PKD1: variants seen among roughly 807,000 people sequenced by gnomAD.
PKD1 encodes polycystin 1, transient receptor potential channel interacting, also known as polycystin-1.
PKD1 carries 81 observed loss-of-function variants against 361.7 expected under a neutral mutation model. The observed-to-expected ratio is 0.22, with a 90% CI of 0.19 to 0.27. The LOEUF is 0.27. Among genes scored for constraint, PKD1 ranks in the 10% least tolerant of loss-of-function variants. PKD1 has a pLI of 1.00. For synonymous variants in PKD1, 3,615 were observed against 2,818.3 expected (o/e 1.28, Z -8.95); for missense variants, 6,399 against 6,118.3 (o/e 1.05, Z -1.53).
intron 1 of PKD1, chr16:2,133,169 T>C (rs1363049219): frequency 2.4e-5 from 3 of 125,786 alleles, no homozygotes. Context: ...GGGTGGGGGG[T>C]CTGTGAGTCA....
At position 2,089,645 on chromosome 16, in the gene PKD1, C is replaced by T. The variant is rs1229253042; in HGVS notation, c.*82G>A. The T allele has an allele frequency of 1.3e-6, 2 of 1,498,870 alleles. No homozygotes were observed. The highest frequency in any genetic ancestry group is 2.0e-5 in the Admixed American group (1 of 50,708). 92.8% of individuals were successfully genotyped at this position (1,498,870 alleles called of 1,614,324 possible). A position where few individuals can be genotyped will look rare whatever the true frequency, so the allele number is the denominator to read the frequency against. ...ACCTACGTGCAGCCATTCTGCCTGG[C>T]CCTCGGCCTTGACAGCGGCAGAAAG... On this transcript the variant is annotated 3_prime_UTR_variant, in exon 46 of 46. Transcript: ENST00000262304.
At chr16:2,095,061 G>C (rs2091787077) in intron 34 of PKD1, 1 of 152,240 alleles carries the variant, frequency 6.6e-6, no homozygotes, top group Admixed American at 6.5e-5. Context: ...GATCACTTGA[G>C]CTCAGGAGTT....
In PKD1 at chr16:2,090,963, G is replaced by C; in HGVS notation, c.11924C>G (p.Thr3975Ser). Residue 3975 changes from threonine to serine, a missense_variant, in exon 43 of 46, where the codon ACT (threonine) becomes AGT (serine). Transcript: ENST00000262304. ...RFVRGRPRRF[T>S]SFDQVAQLSS... ...CAGCTGCGCCACCTGGTCGAAGCTA[G>C]TGAAGCGGCGCGGGCGGCCGCGCAC... The C allele has an allele frequency of 6.5e-7, 1 of 1,549,696 alleles. No homozygotes were observed. The highest frequency in any genetic ancestry group is 8.7e-7 in the Non-Finnish European group (1 of 1,154,006).
chr16:2,105,728 G>A lies in PKD1; in HGVS notation c.7863+137C>T, dbSNP rs1028979661. The A allele has an allele frequency of 2.9e-5, 37 of 1,288,746 alleles. No homozygotes were observed. The African/African-American group carries it at 4.3e-4, about 15-fold the overall frequency. 79.8% of individuals were successfully genotyped at this position (1,288,746 alleles called of 1,614,324 possible). A position where few individuals can be genotyped will look rare whatever the true frequency, so the allele number is the denominator to read the frequency against. On this transcript the variant is annotated intron_variant, in intron 20 of 45. Transcript: ENST00000262304. ...TGTGGCTGCTGGGAGCGGAAGGTCG[G>A]GGTGCTGCTTCAGGGTCACTGGGAT...
rs780044416 is a variant in PKD1 at position 2,116,672 on chromosome 16, C to A, written c.1607-28G>T. The stretch of plus-strand genomic sequence containing the variant: ...GGGGTGGCGAGTGCACAGTGAGGCG[C>A]CGGGCCAGGGCCCAGGACACCAGGA... On this transcript the variant is annotated intron_variant, in intron 7 of 45. Transcript: ENST00000262304. The A allele has an allele frequency of 8.4e-5, 113 of 1,349,942 alleles. 2 individuals are homozygous for A. In the South Asian group the frequency reaches 1.4e-3, roughly 16 times the overall value. 83.6% of individuals were successfully genotyped at this position (1,349,942 alleles called of 1,614,324 possible).
chr16:2,110,014 A>G lies in PKD1; in HGVS notation c.5153T>C (p.Val1718Ala). The G allele has an allele frequency of 6.2e-7, 1 of 1,610,424 alleles. No homozygotes were observed. Residue 1718 changes from valine (V) to alanine (A), a missense_variant, in exon 15 of 46, where the codon GTG (valine) becomes GCG (alanine). Coordinates refer to ENST00000262304, the MANE Select transcript of PKD1 (RefSeq NM_001009944.3). ...ADCTMDFVEP[V>A]GWLMVAASPN... Reference sequence around the variant, plus strand: ...GGAGGCGGCCACCATCAGCCACCCCACAGGCTCCACGAAGTCCATGGTGCA... The same window carrying G: ...GGAGGCGGCCACCATCAGCCACCCCGCAGGCTCCACGAAGTCCATGGTGCA...
At chr16:2,129,356 C>CA (rs2151847063) in intron 1 of PKD1, among the ~76,000 whole-genome samples, 1 of 151,288 alleles carries the variant, frequency 6.6e-6, no homozygotes, top group East Asian at 2.0e-4. Flanking sequence ...AGGCTGGCCT[C>CA]AAACTCCTGG....
Position 2,089,694 on chromosome 16 carries a change from G to A in PKD1, c.*33C>T, listed in dbSNP as rs112780826. 351 of 1,554,664 alleles carry A rather than the reference G, an allele frequency of 2.3e-4. No individual in the cohort carries two copies. The highest frequency in any genetic ancestry group is 2.8e-4 in the Non-Finnish European group (321 of 1,150,228). On this transcript the variant is annotated 3_prime_UTR_variant, in exon 46 of 46. Transcript: ENST00000262304. ...AGTAATACTGAGCGGTGTCCACTCCGACTCCACGGCCCACCCCCGCCAGGA... is the reference window on the plus strand; with the variant it reads ...AGTAATACTGAGCGGTGTCCACTCCAACTCCACGGCCCACCCCCGCCAGGA...
chr16:2,119,075 G>A (rs763938112), intron 3 of PKD1, 39 bp downstream of exon 3: 9 of 1,076,628 alleles, frequency 8.4e-6, no homozygotes, highest in Non-Finnish European at 9.7e-6. Context: ...TGGGGGCCTG[G>A]GGTCCAGCCA....
intron 13 of PKD1, 150 bp from the exon 14 acceptor site, chr16:2,112,623 C>G (rs111910022): frequency 9.9e-7 from 1 of 1,009,202 alleles, no homozygotes; most frequent in East Asian, 2.6e-5. Flanking sequence ...AGGCCTCTCC[C>G]GGCTCCCGTG....
rs377692278 is a variant in PKD1 at position 2,091,608 on chromosome 16, G to A, written c.11538-11C>T. 2,823 of 1,560,680 alleles carry A rather than the reference G, an allele frequency of 1.8e-3. 4 individuals are homozygous for A. The highest frequency in any genetic ancestry group is 2.2e-3 in the Non-Finnish European group (2,527 of 1,161,410). On this transcript the variant is annotated splice_polypyrimidine_tract_variant and intron_variant, in intron 41 of 45. Transcript: ENST00000262304. Reference sequence around the variant, plus strand: ...AACACAGCGCGGCTCCTGCGCAGAGGGTGCGGGTCAGTAGGAGCGGGTGGC... The same window carrying A: ...AACACAGCGCGGCTCCTGCGCAGAGAGTGCGGGTCAGTAGGAGCGGGTGGC...
At chr16:2,121,679 G>A (rs1213769725) in intron 1 of PKD1, among the ~76,000 whole-genome samples, 3 of 152,032 alleles carry the variant, frequency 2.0e-5, no homozygotes, top group Admixed American at 2.0e-4. Flanking sequence ...AAGCACCTCG[G>A]GGGTCACTCT....
In PKD1 at chr16:2,108,521, G is replaced by A. The variant is rs754285509; in HGVS notation, c.6646C>T (p.Leu2216=). The change falls in exon 15 of 46, where the codon CTG becomes TTG. Residue 2216 remains leucine (L), a synonymous_variant. Coordinates refer to ENST00000262304, the MANE Select transcript of PKD1 (RefSeq NM_001009944.3). ...GGCAGCGCCAGCCGCGGCAGCACCAGCCGAGGCCGGCTCACGTCCACGCCG... is the reference window on the plus strand; with the variant it reads ...GGCAGCGCCAGCCGCGGCAGCACCAACCGAGGCCGGCTCACGTCCACGCCG... The part of the protein sequence containing the change: ...LPGVDVSRPR[L]VLPRLALPVG... 1.7e-5 allele frequency: 28 copies of A among 1,609,138 alleles called. No individual in the cohort carries two copies. The South Asian group carries it at 2.9e-4, about 16-fold the overall frequency.
In PKD1 at chr16:2,108,300, G is replaced by A. The variant is rs748648523; in HGVS notation, c.6867C>T (p.Gly2289=). Residue 2289 remains glycine, a synonymous_variant, in exon 15 of 46, where the codon GGC becomes GGT. Transcript: ENST00000262304. ...SESYDPNLED[G]DQTPLSFHWA... is the part of the protein sequence containing the mutation. ...AGTGGAAACTGAGCGGCGTCTGGTC[G>A]CCGTCCTCCAGGTTGGGGTCGTAGG... 1.6e-5 allele frequency: 26 copies of A among 1,601,528 alleles called. No individual in the cohort carries two copies. Among genetic ancestry groups the A allele is most frequent in the African/African-American group, 5.4e-5 (4 of 74,714 alleles).
intron 30 of PKD1, 112 bp from the exon 31 acceptor site, chr16:2,098,096 G>A (rs2091921545): frequency 1.5e-6 from 1 of 674,926 alleles, no homozygotes; most frequent in Non-Finnish European, 2.7e-6. Context: ...CTGACAGAAT[G>A]TCCTAGAATG....
rs532455378 is a variant in PKD1 at position 2,112,842 on chromosome 16, G to A, written c.3107C>T (p.Thr1036Met). ...TVPAVLSPNA[T>M]LALTAGVLVD... ...CAGCACGCCCGCCGTCAGTGCTAGC[G>A]TGGCATTGGGGGACAGCACGGCCGG... The change falls in exon 13 of 46, where the codon ACG becomes ATG. Residue 1036 changes from threonine to methionine, a missense_variant. By Grantham distance (81) the Thr-to-Met change is moderately conservative (BLOSUM62 -1). Transcript: ENST00000262304. 19 of 1,604,434 alleles carry A rather than the reference G, an allele frequency of 1.2e-5. No individual in the cohort carries two copies. The highest frequency in any genetic ancestry group is 8.3e-5 in the Admixed American group (5 of 60,014).
rs1402003156 is a variant in PKD1 at position 2,117,795 on chromosome 16, G to C, written c.1197C>G (p.Ala399=). The change falls in exon 5 of 46, where the codon GCC becomes GCG. Residue 399 remains alanine, a synonymous_variant. Transcript: ENST00000262304. ...GAGTGGGCAGCAGACACTCACCTCG[G>C]GCCGGCTCCTCGCCCAGGGCCACGA... is the stretch of plus-strand genomic sequence containing the variant. ...YSIVALGEEP[A]RAVHPLCPSD... The C allele has an allele frequency of 5.3e-6, 6 of 1,137,420 alleles. No individual in the cohort carries two copies. The African/African-American group carries it at 6.2e-5, about 12-fold the overall frequency. The allele number at this position is 1,137,420 out of a possible 1,614,324, so 70.5% of individuals were successfully genotyped here. A position where few individuals can be genotyped will look rare whatever the true frequency, so the allele number is the denominator to read the frequency against.
chr16:2,112,092 C>T (rs1369472262), intron 14 of PKD1, among the ~76,000 whole-genome samples: 2 of 152,330 alleles, frequency 1.3e-5, no homozygotes, highest in East Asian at 3.9e-4. Context: ...CAGCTGCACT[C>T]GGGGCAGCAG....
At position 2,106,705 on chromosome 16, in the gene PKD1, C is replaced by T. The variant is rs748713546; in HGVS notation, c.7210-28G>A. 28 of 1,574,724 alleles carry T rather than the reference C, an allele frequency of 1.8e-5. No individual in the cohort carries two copies. Among genetic ancestry groups the T allele is most frequent in the South Asian group, 1.3e-4 (12 of 89,676 alleles). Reference sequence around the variant, plus strand: ...GCAGGCAGAAGGGGTGGTGAGGGGGCGCAACCCTCTGCCCTGTCAGCCCCA... The same window carrying T: ...GCAGGCAGAAGGGGTGGTGAGGGGGTGCAACCCTCTGCCCTGTCAGCCCCA... On this transcript the variant is annotated intron_variant, in intron 17 of 45. Coordinates refer to ENST00000262304, the MANE Select transcript of PKD1 (RefSeq NM_001009944.3). This position sits in a 1 kb window ranked among gnomAD's most constrained non-coding sequence, Gnocchi z 6.5.
Sources: allele counts gnomAD v4.1 joint callset (sites outside exome capture counted in the v4.1 genomes callset), GRCh38; gene constraint gnomAD v4.1.1; non-coding constraint Gnocchi (gnomAD v3.1); transcripts MANE v1.5; gene names NCBI Gene and HGNC (gene_info 2026-07-23, HGNC 2026-07-21).